PLCB1: variants seen among roughly 807,000 people sequenced by gnomAD.
The protein encoded by PLCB1 is 1-phosphatidylinositol 4,5-bisphosphate phosphodiesterase beta-1.
In PLCB1, 46 loss-of-function variants were observed where a neutral mutation model predicts 161.8. The observed-to-expected ratio is 0.28, with a 90% CI of 0.22 to 0.36. The LOEUF (loss-of-function observed/expected upper bound fraction) is 0.36. Among genes scored for constraint, PLCB1 ranks in the 10% least tolerant of loss-of-function variants. PLCB1 has a pLI of 1.00. For synonymous variants in PLCB1, 517 were observed against 503.7 expected (o/e 1.03, Z -0.35); for missense variants, 1,016 against 1,472.5 (o/e 0.69, Z 5.07).
chr20:8,783,616 C>T lies in PLCB1; in HGVS notation c.3112-4833C>T, dbSNP rs540753581. The stretch of plus-strand genomic sequence containing the variant: ...GAATTCCATGCTGGACTAACTTAGG[C>T]CAGAAGGGTATATACTAGAAAAGTA... On this transcript the variant is annotated intron_variant, in intron 27 of 31. Transcript: ENST00000338037. 2.6e-5 allele frequency among the ~76,000 whole-genome samples: 4 copies of T among 152,220 alleles called. No homozygotes were observed. The East Asian group carries it at 7.7e-4, about 29-fold the overall frequency.
At chr20:8,142,352 C>G (rs2051413221) in intron 1 of PLCB1, among the ~76,000 whole-genome samples, 1 of 152,168 alleles carries the variant, frequency 6.6e-6, no homozygotes, top group African/African-American at 2.4e-5. Context: ...CTGAAATCTC[C>G]TAGGGTCCTA....
chr20:8,609,192 G>A (rs558227331), intron 3 of PLCB1, among the ~76,000 whole-genome samples: 98 of 152,282 alleles, frequency 6.4e-4, no homozygotes, highest in African/African-American at 2.3e-3. Flanking sequence ...TTAGGTTGGT[G>A]CAAAAGTAAT....
intron 9 of PLCB1, among the ~76,000 whole-genome samples, chr20:8,677,814 T>G (rs947587323): frequency 6.6e-6 from 1 of 152,186 alleles, no homozygotes; most frequent in African/African-American, 2.4e-5. Flanking sequence ...AAGAAGTCAT[T>G]TTTAGACATG....
chr20:8,871,922 A>C (rs1987623152), intron 31 of PLCB1, among the ~76,000 whole-genome samples: 2 of 152,212 alleles, frequency 1.3e-5, no homozygotes, highest in African/African-American at 4.8e-5. Context: ...ACAGCCCAGG[A>C]AAATTGGTTT....
At chr20:8,494,153 T>TGAGTGCTGTGTGCTATAGCA (rs1254723590) in intron 3 of PLCB1, among the ~76,000 whole-genome samples, 1 of 152,222 alleles carries the variant, frequency 6.6e-6, no homozygotes, top group African/African-American at 2.4e-5. Context: ...AGAGTCTGCA[T>TGAGTGCTGTGTGCTATAGCA]TTCCACCTTC....
chr20:8,668,198 C>T (rs1989861336), intron 9 of PLCB1, among the ~76,000 whole-genome samples: 1 of 151,404 alleles, frequency 6.6e-6, no homozygotes, highest in Non-Finnish European at 1.5e-5. Flanking sequence ...GGACCTTCCA[C>T]CCTAACCCTT....
At chr20:8,151,767 C>T (rs925364329) in intron 2 of PLCB1, among the ~76,000 whole-genome samples, 1 of 151,972 alleles carries the variant, frequency 6.6e-6, no homozygotes, top group African/African-American at 2.4e-5. Context: ...CATTTCTAAA[C>T]GTTGGGTATT....
intron 14 of PLCB1, among the ~76,000 whole-genome samples, chr20:8,719,936 G>T (rs558878480): frequency 6.6e-6 from 1 of 151,828 alleles, no homozygotes; most frequent in Non-Finnish European, 1.5e-5. Flanking sequence ...TTATTGTTTC[G>T]ATTAAAATCT....
intron 3 of PLCB1, among the ~76,000 whole-genome samples, chr20:8,517,580 C>T (rs1984183298): frequency 6.6e-6 from 1 of 152,126 alleles, no homozygotes; most frequent in African/African-American, 2.4e-5. Flanking sequence ...TAACACCCTC[C>T]CCCAGTGACC....
At chr20:8,293,720 A>C (rs1054832362) in intron 2 of PLCB1, among the ~76,000 whole-genome samples, 1 of 152,146 alleles carries the variant, frequency 6.6e-6, no homozygotes, top group African/African-American at 2.4e-5. Flanking sequence ...AGGGACCCTC[A>C]AAGGGTCTTG....
chr20:8,513,872 CA>C (rs1445967261), intron 3 of PLCB1, among the ~76,000 whole-genome samples: 1 of 151,392 alleles, frequency 6.6e-6, no homozygotes, highest in African/African-American at 2.4e-5. Context: ...AAAATAACAA[CA>C]AAAAATTAGC....
chr20:8,468,533 ATGTG>A (rs1439940130), intron 3 of PLCB1, among the ~76,000 whole-genome samples: 1 of 152,162 alleles, frequency 6.6e-6, no homozygotes, highest in Admixed American at 6.6e-5. Context: ...TAATGGAGTG[ATGTG>A]TGTAAGTCAC....
At chr20:8,676,967 T>C (rs1990096206) in intron 9 of PLCB1, among the ~76,000 whole-genome samples, 1 of 152,088 alleles carries the variant, frequency 6.6e-6, no homozygotes, top group African/African-American at 2.4e-5. Flanking sequence ...TTTCAATAAA[T>C]GTCAGAGAAC....
intron 2 of PLCB1, among the ~76,000 whole-genome samples, chr20:8,354,018 T>TA (rs796265064): frequency 0.042 from 5,797 of 139,498 alleles, 364 homozygotes; most frequent in African/African-American, 0.14. Context: ...GAAGGCTATT[T>TA]AAAAAAAAAA....
At chr20:8,556,638 C>T (rs1298976490) in intron 3 of PLCB1, among the ~76,000 whole-genome samples, 4 of 147,372 alleles carry the variant, frequency 2.7e-5, no homozygotes, top group African/African-American at 1.0e-4. Context: ...TGTAAACAGC[C>T]AGGCTAGGAG....
chr20:8,321,505 C>G (rs1429764477), intron 2 of PLCB1, among the ~76,000 whole-genome samples: 3 of 152,002 alleles, frequency 2.0e-5, no homozygotes. Flanking sequence ...TTAGGAGAAC[C>G]TTTGAAGACA....
chr20:8,191,980 G>A (rs2051975276), intron 2 of PLCB1, among the ~76,000 whole-genome samples: 1 of 151,966 alleles, frequency 6.6e-6, no homozygotes, highest in Non-Finnish European at 1.5e-5. Context: ...GGACCTCTTG[G>A]TGTGTTGGAT....
chr20:8,851,893 A>G (rs1237753834), intron 31 of PLCB1, among the ~76,000 whole-genome samples: 2 of 152,152 alleles, frequency 1.3e-5, no homozygotes, highest in Admixed American at 1.3e-4. Flanking sequence ...ACAAGTGTTC[A>G]TAGAAGCACC....
intron 10 of PLCB1, among the ~76,000 whole-genome samples, chr20:8,695,427 TGTGGTG>T (rs1174509083): frequency 6.6e-6 from 1 of 152,176 alleles, no homozygotes; most frequent in Non-Finnish European, 1.5e-5. Flanking sequence ...GTAGGCCAAA[TGTGGTG>T]GTTTATACCT....
Sources: allele counts gnomAD v4.1 joint callset (sites outside exome capture counted in the v4.1 genomes callset), GRCh38; gene constraint gnomAD v4.1.1; transcripts MANE v1.5; gene names NCBI Gene and HGNC (gene_info 2026-07-23, HGNC 2026-07-21).